Variants in NAPSA observed in about 807,000 individuals in gnomAD.
The protein encoded by NAPSA is napsin A aspartic peptidase, also known as napsin-A.
In NAPSA, 37 loss-of-function variants were observed where a neutral mutation model predicts 36.7. The observed-to-expected ratio is 1.01, with a 90% CI of 0.78 to 1.33. The LOEUF (loss-of-function observed/expected upper bound fraction) is 1.33, where lower values mean the gene tolerates loss of function less well. NAPSA is among the 40% of genes most tolerant of loss of function. NAPSA has a pLI of 0.00. For missense variants in NAPSA, 532 were observed against 543.8 expected (o/e 0.98, Z 0.21); for synonymous variants, 222 against 234.5 (o/e 0.95, Z 0.49).
intron 5 of NAPSA, 46 bp from the exon 6 acceptor site, chr19:50,359,908 C>T (rs978664781): frequency 4.4e-6 from 7 of 1,586,254 alleles, no homozygotes; most frequent in Non-Finnish European, 6.0e-6. Context: ...TGTCACTGGC[C>T]CTCCCTCAGC....
chr19:50,358,643 C>T lies in NAPSA; in HGVS notation c.1173G>A (p.Lys391=), dbSNP rs1166307723. 6.2e-7 allele frequency: 1 copy of T among 1,613,040 alleles called. No individual in the cohort carries two copies. Among genetic ancestry groups the T allele is most frequent in the Non-Finnish European group, 8.5e-7 (1 of 1,179,912 alleles). ...YVAVFDRGDM[K]SSARVGLARA... ...GCGCCAGGCCCACCCGGGCGCTGCT[C>T]TTCATGTCCCCGCGGTCGAAGACGG... Residue 391 remains lysine (K), a synonymous_variant, in exon 9 of 9, where the codon AAG becomes AAA. Coordinates refer to ENST00000253719, the MANE Select transcript of NAPSA (RefSeq NM_004851.3).
chr19:50,368,175 A>G (rs867420681), upstream of NAPSA, among the ~76,000 whole-genome samples: 7 of 150,798 alleles, frequency 4.6e-5, no homozygotes, highest in South Asian at 2.1e-4. Flanking sequence ...AAAAAAAAAA[A>G]AAAAGAAACA....
Position 50,359,507 on chromosome 19 carries a change from C to G in NAPSA, c.932G>C (p.Gly311Ala), listed in dbSNP as rs374939417. 16 of 1,614,046 alleles carry G rather than the reference C, an allele frequency of 9.9e-6. No homozygotes were observed. The African/African-American group carries it at 2.0e-4, about 20-fold the overall frequency. ...CCCACCAGACTGGGACCTCACCTCC[C>G]CAGCCAGCAAGGGGATTCCCCCAAT... ...AAIGGIPLLAGEYIILCSEIP... is the reference protein window; with the variant it reads ...AAIGGIPLLAAEYIILCSEIP... Residue 311 changes from glycine (G) to alanine (A), a missense_variant, in exon 7 of 9, where the codon GGG (glycine) becomes GCG (alanine). Transcript: ENST00000253719.
Position 50,358,659 on chromosome 19 carries a change from T to A in NAPSA, c.1157A>T (p.Asp386Val). 1 of 1,612,950 alleles carries A rather than the reference T, an allele frequency of 6.2e-7. No homozygotes were observed. The highest frequency in any genetic ancestry group is 8.5e-7 in the Non-Finnish European group (1 of 1,179,904). Residue 386 changes from aspartate to valine, a missense_variant, in exon 9 of 9, where the codon GAC becomes GTC. Coordinates refer to ENST00000253719, the MANE Select transcript of NAPSA (RefSeq NM_004851.3). ...VFLGTYVAVF[D>V]RGDMKSSARV... ...GGCGCTGCTCTTCATGTCCCCGCGG[T>A]CGAAGACGGCCACATACGTCCCCAA...
intron 1 of NAPSA, among the ~76,000 whole-genome samples, chr19:50,365,177 T>TA (rs1365261062): frequency 6.6e-6 from 1 of 150,630 alleles, no homozygotes; most frequent in Non-Finnish European, 1.5e-5. Flanking sequence ...CTACTAAAAA[T>TA]ACAAAAATTA....
At chr19:50,358,894 C>T in intron 8 of NAPSA, 114 bp from the exon 9 acceptor site, 4 of 1,329,914 alleles carry the variant, frequency 3.0e-6, no homozygotes, top group Non-Finnish European at 4.2e-6. Flanking sequence ...AACAAACTGC[C>T]ATCACAGGGA....
At chr19:50,364,813 G>A (rs1224651669) in intron 1 of NAPSA, among the ~76,000 whole-genome samples, 5 of 148,054 alleles carry the variant, frequency 3.4e-5, no homozygotes, top group East Asian at 4.0e-4. Context: ...CAAACATGGC[G>A]AAACCCCATC....
chr19:50,360,684 G>A (rs2037459765), intron 5 of NAPSA, among the ~76,000 whole-genome samples: 1 of 152,176 alleles, frequency 6.6e-6, no homozygotes, highest in Non-Finnish European at 1.5e-5. Context: ...AACTGATGGT[G>A]GGTTTCCTTA....
At chr19:50,367,886 G>A (rs139597742), upstream of NAPSA, among the ~76,000 whole-genome samples, 25 of 152,214 alleles carry the variant, frequency 1.6e-4, no homozygotes, top group Middle Eastern at 3.4e-3. Context: ...GGCTGGATGC[G>A]GTAACTCATG....
At position 50,358,745 on chromosome 19, in the gene NAPSA, AC is replaced by A; in HGVS notation, c.1070del (p.Gly357ValfsTer34). On this transcript the variant is annotated frameshift_variant, in exon 9 of 9. Transcript: ENST00000253719. LOFTEE classifies it low-confidence loss of function (END_TRUNC). ...GCGGAGGGACATCCAGGGCCTGGAA[AC>A]CGGACAAGCAGAGGCGGACGCCATT... is the stretch of plus-strand genomic sequence containing the variant. ...TRNGVRLCLS[G>X]FQALDVPPPA... 1 of 1,613,336 alleles carries A rather than the reference AC, an allele frequency of 6.2e-7. No homozygotes were observed. The highest frequency in any genetic ancestry group is 8.5e-7 in the Non-Finnish European group (1 of 1,179,930).
chr19:50,358,703 C>T lies in NAPSA; in HGVS notation c.1113G>A (p.Trp371Ter). The T allele has an allele frequency of 6.2e-7, 1 of 1,613,494 alleles. No individual in the cohort carries two copies. Among genetic ancestry groups the T allele is most frequent in the South Asian group, 1.1e-5 (1 of 91,082 alleles). ...TCCCCAAGAAGACGTCACCGAGGAT[C>T]CAGAAGGGCCCTGCAGGCGGAGGGA... ...LDVPPPAGPFWILGDVFLGTY... is the reference protein window; with the variant it reads ...LDVPPPAGPF Residue 371 changes from tryptophan (W) to a stop codon, truncating the protein, a stop_gained, in exon 9 of 9, where the codon TGG becomes TGA. Transcript: ENST00000253719. LOFTEE classifies it low-confidence loss of function (END_TRUNC).
At chr19:50,365,073 C>T (rs1033885014) in intron 1 of NAPSA, among the ~76,000 whole-genome samples, 5 of 150,250 alleles carry the variant, frequency 3.3e-5, no homozygotes, top group Non-Finnish European at 7.4e-5. Flanking sequence ...CGGTGGCTCA[C>T]GCCTGTAATC....
Position 50,361,788 on chromosome 19 carries a change from T to C in NAPSA, c.350-7A>G. Reference sequence around the variant, plus strand: ...TCAAATCGGTGGTGTAACCCTAGGTTAGAGGTCAGAAAGGTGTCATGGGGG... The same window carrying C: ...TCAAATCGGTGGTGTAACCCTAGGTCAGAGGTCAGAAAGGTGTCATGGGGG... On this transcript the variant is annotated splice_polypyrimidine_tract_variant and splice_region_variant and intron_variant, in intron 3 of 8. Transcript: ENST00000253719. 6.2e-7 allele frequency: 1 copy of C among 1,613,298 alleles called. No homozygotes were observed. Among genetic ancestry groups the C allele is most frequent in the South Asian group, 1.1e-5 (1 of 91,050 alleles).
At chr19:50,362,579 T>C (rs1044775219) in intron 1 of NAPSA, 3 of 302,974 alleles carry the variant, frequency 9.9e-6, no homozygotes, top group Non-Finnish European at 1.8e-5. Context: ...TCCCAAGGAA[T>C]TGACATTCTT....
intron 7 of NAPSA, 72 bp from the exon 8 acceptor site, chr19:50,359,181 G>T: frequency 1.5e-6 from 2 of 1,337,916 alleles, no homozygotes; most frequent in Non-Finnish European, 1.1e-6. Flanking sequence ...GCTCCCCAGT[G>T]CCATAGGGTA....
At position 50,358,539 on chromosome 19, in the gene NAPSA, G is replaced by C; in HGVS notation, c.*14C>G. 1.9e-6 allele frequency: 3 copies of C among 1,567,806 alleles called. No individual in the cohort carries two copies. Among genetic ancestry groups the C allele is most frequent in the Non-Finnish European group, 2.6e-6 (3 of 1,156,670 alleles). On this transcript the variant is annotated 3_prime_UTR_variant, in exon 9 of 9. Coordinates refer to ENST00000253719, the MANE Select transcript of NAPSA (RefSeq NM_004851.3). ...CTCCGCGACCACCCGCTGCGCATGCGCTTCACTTGGGCGTCACCCGGGGAA... is the reference window on the plus strand; with the variant it reads ...CTCCGCGACCACCCGCTGCGCATGCCCTTCACTTGGGCGTCACCCGGGGAA...
chr19:50,359,640 C>G lies in NAPSA; in HGVS notation c.799G>C (p.Val267Leu), dbSNP rs1203704506. 4 of 1,614,234 alleles carry G rather than the reference C, an allele frequency of 2.5e-6. No homozygotes were observed. Among genetic ancestry groups the G allele is most frequent in the Non-Finnish European group, 3.4e-6 (4 of 1,180,038 alleles). The stretch of plus-strand genomic sequence containing the variant: ...GCACAGAGAGTCAGCCCTGGGCCCA[C>G]CTTCACACTGAGGGGGAAGGAGGCA... ...YWQIHMERVK[V>L]GPGLTLCAKG... The change falls in exon 7 of 9, where the codon GTG becomes CTG. Residue 267 changes from valine (V) to leucine (L), a missense_variant. Transcript: ENST00000253719.
intron 7 of NAPSA, 166 bp from the exon 8 acceptor site, chr19:50,359,275 G>A: frequency 3.6e-6 from 3 of 829,194 alleles, no homozygotes; most frequent in Non-Finnish European, 5.6e-6. Context: ...AAGCAAACCT[G>A]CATGATCGTC....
intron 1 of NAPSA, among the ~76,000 whole-genome samples, chr19:50,363,391 T>A (rs2037502136): frequency 6.6e-6 from 1 of 152,040 alleles, no homozygotes; most frequent in African/African-American, 2.4e-5. Context: ...CTTTTAAACT[T>A]TTTATTTGAA....
Sources: gnomAD v4.1 joint callset for allele counts (sites outside exome capture counted in the v4.1 genomes callset) on GRCh38, gnomAD v4.1.1 for gene constraint, MANE v1.5 for transcripts, NCBI Gene and HGNC (gene_info 2026-07-23, HGNC 2026-07-21) for gene names.